FBXL17: variants seen among roughly 807,000 people sequenced by gnomAD.
FBXL17 encodes F-box/LRR-repeat protein 17.
FBXL17 carries 22 observed loss-of-function variants against 66.2 expected under a neutral mutation model. The ratio of observed to expected loss-of-function variants is 0.33; its 90% confidence interval spans 0.24 to 0.47. The LOEUF (loss-of-function observed/expected upper bound fraction) is 0.47. Among genes scored for constraint, FBXL17 ranks in the 20% least tolerant of loss-of-function variants. The probability of loss-of-function intolerance (pLI) is 1.00; values close to 1 mark genes in which losing one functional copy is unlikely to be tolerated. For missense variants in FBXL17, 878 were observed against 948.2 expected, an observed-to-expected ratio of 0.93 and a Z score of 0.97; for synonymous variants, 474 against 400.5, an observed-to-expected ratio of 1.18 and a Z score of -2.19.
At chr5:107,980,665 T>TATATATATGTGTATATATATA (rs1363335386) in intron 7 of FBXL17, among the ~76,000 whole-genome samples, 1 of 79,178 alleles carries the variant, frequency 1.3e-5, no homozygotes, top group Non-Finnish European at 2.1e-5. Flanking sequence ...TATATATATA[T>TATATATATGTGTATATATATA]TTTTTTTTTG....
chr5:108,111,594 T>C (rs537122883), intron 6 of FBXL17, among the ~76,000 whole-genome samples: 1 of 152,352 alleles, frequency 6.6e-6, no homozygotes, highest in Non-Finnish European at 1.5e-5. Context: ...TCTAGTTACA[T>C]GCTACATCCT....
intron 4 of FBXL17, among the ~76,000 whole-genome samples, chr5:108,323,133 G>T (rs2150222663): frequency 2.0e-5 from 3 of 151,738 alleles, no homozygotes; most frequent in Middle Eastern, 6.9e-3. Flanking sequence ...AGAAAGGAAA[G>T]ACATCTAAAT....
At chr5:107,906,888 T>C (rs1749780496) in intron 7 of FBXL17, among the ~76,000 whole-genome samples, 1 of 152,208 alleles carries the variant, frequency 6.6e-6, no homozygotes. Flanking sequence ...ATACTACTGT[T>C]ACATTAAACT....
intron 4 of FBXL17, among the ~76,000 whole-genome samples, chr5:108,279,801 A>G (rs1580735975): frequency 6.6e-6 from 1 of 152,190 alleles, no homozygotes; most frequent in East Asian, 1.9e-4. Context: ...TTCTGGACTA[A>G]GGAATTCAAT....
At chr5:108,161,346 C>T (rs1580535126) in intron 6 of FBXL17, among the ~76,000 whole-genome samples, 1 of 152,032 alleles carries the variant, frequency 6.6e-6, no homozygotes, top group South Asian at 2.1e-4. Context: ...ATTAGCCAAG[C>T]GTAGCAGTGT....
intron 8 of FBXL17, among the ~76,000 whole-genome samples, chr5:107,862,275 G>C (rs1311254388): frequency 6.6e-6 from 1 of 151,778 alleles, no homozygotes; most frequent in African/African-American, 2.4e-5. Context: ...GGACACACTA[G>C]ATTCCAGACA....
At chr5:107,980,664 A>ATATATATATATATATATATATATATT in intron 7 of FBXL17, among the ~76,000 whole-genome samples, 4 of 62,072 alleles carry the variant, frequency 6.4e-5, no homozygotes, top group East Asian at 1.1e-3. Flanking sequence ...ATATATATAT[A>ATATATATATATATATATATATATATT]TTTTTTTTTT....
At position 108,157,078 on chromosome 5, in the gene FBXL17, G is replaced by C. The variant is rs570653802; in HGVS notation, c.1745+29039C>G. ...ACAATGAAACAAAACACAAGAGTTA[G>C]ATCTAGCTCTTAGATATGCAAATAC... On this transcript the variant is annotated intron_variant, in intron 6 of 8. Coordinates refer to ENST00000542267, the MANE Select transcript of FBXL17 (RefSeq NM_001163315.3). Among the ~76,000 whole-genome samples the C allele has an allele frequency of 2.5e-3, 380 of 150,192 alleles. 1 individual carries two copies. The highest frequency in any genetic ancestry group is 4.5e-3 in the Non-Finnish European group (306 of 67,648).
chr5:108,083,861 T>G (rs1378849766), intron 6 of FBXL17, among the ~76,000 whole-genome samples: 1 of 152,154 alleles, frequency 6.6e-6, no homozygotes, highest in Non-Finnish European at 1.5e-5. Flanking sequence ...GACCTGGGCC[T>G]GGAATCCTTA....
At chr5:107,893,283 G>A (rs1161316266) in intron 7 of FBXL17, among the ~76,000 whole-genome samples, 1 of 152,156 alleles carries the variant, frequency 6.6e-6, no homozygotes, top group African/African-American at 2.4e-5. Context: ...GCTCATCTGG[G>A]AGCTTAAACC....
chr5:107,935,393 C>T (rs1024057377), intron 7 of FBXL17, among the ~76,000 whole-genome samples: 1 of 115,700 alleles, frequency 8.6e-6, no homozygotes, highest in Non-Finnish European at 1.8e-5. Context: ...AAAGAGGCAT[C>T]TCTCTTTATA....
chr5:107,907,745 A>G (rs1000965751), intron 7 of FBXL17, among the ~76,000 whole-genome samples: 11 of 152,184 alleles, frequency 7.2e-5, no homozygotes, highest in Non-Finnish European at 1.6e-4. Context: ...CCACAATAAG[A>G]TACCATCTCA....
intron 6 of FBXL17, among the ~76,000 whole-genome samples, chr5:108,183,330 C>A (rs192623874): frequency 9.2e-5 from 14 of 152,194 alleles, no homozygotes; most frequent in African/African-American, 3.1e-4. Context: ...TGAGCCACCA[C>A]GCCTGGCCCA....
chr5:108,131,979 C>CTT (rs35305637), intron 6 of FBXL17, among the ~76,000 whole-genome samples: 44 of 143,182 alleles, frequency 3.1e-4, no homozygotes, highest in African/African-American at 5.7e-4. Flanking sequence ...GAAGAAAGTC[C>CTT]TTTTTTTTTT....
Position 108,367,860 on chromosome 5 carries a change from T to G in FBXL17, c.1087A>C (p.Lys363Gln). ...RDLCLDFQFW[K>Q]QLDLSSRQQV... ...TGACGACTACTAAGATCCAGCTGCT[T>G]CCAAAACTGGAAGTCTAAACAAAGG... Residue 363 changes from lysine (K) to glutamine (Q), a missense_variant, in exon 2 of 9, where the codon AAG (lysine) becomes CAG (glutamine). Physicochemically the swap from Lys to Gln is moderately conservative, Grantham distance 53. Around this residue, in one of 4 missense-constraint regions of FBXL17, gnomAD observed 236 missense variants for 389.1 expected, o/e 0.61. Transcript: ENST00000542267. The G allele has an allele frequency of 6.4e-7, 1 of 1,550,956 alleles. No individual in the cohort carries two copies. The highest frequency in any genetic ancestry group is 1.2e-5 in the South Asian group (1 of 84,024).
chr5:108,047,394 C>T (rs1747294839), intron 6 of FBXL17, among the ~76,000 whole-genome samples: 1 of 152,220 alleles, frequency 6.6e-6, no homozygotes, highest in Admixed American at 6.5e-5. Flanking sequence ...AACAGCCTCT[C>T]AGCTAGAATC....
At chr5:108,256,887 T>G (rs377520349) in intron 4 of FBXL17, among the ~76,000 whole-genome samples, 3 of 152,144 alleles carry the variant, frequency 2.0e-5, no homozygotes, top group East Asian at 3.8e-4. Flanking sequence ...ACTTAGTTTT[T>G]TAAGCGTGTA....
At chr5:108,001,739 A>G (rs543023686) in intron 7 of FBXL17, among the ~76,000 whole-genome samples, 2 of 152,096 alleles carry the variant, frequency 1.3e-5, no homozygotes, top group East Asian at 3.9e-4. Flanking sequence ...TGACCTCGTG[A>G]TCCGCCCATC....
intron 4 of FBXL17, among the ~76,000 whole-genome samples, chr5:108,269,895 T>A (rs73781309): frequency 6.6e-6 from 1 of 152,116 alleles, no homozygotes; most frequent in Non-Finnish European, 1.5e-5. Flanking sequence ...ACCTAGGTAC[T>A]GCCCTAAAAT....
Sources: allele counts gnomAD v4.1 joint callset (sites outside exome capture counted in the v4.1 genomes callset), GRCh38; gene constraint gnomAD v4.1.1; regional missense constraint gnomAD v4.1.1; transcripts MANE v1.5; gene names NCBI Gene and HGNC (gene_info 2026-07-23, HGNC 2026-07-21).